GLB1: variants seen among roughly 807,000 people sequenced by gnomAD.
GLB1 encodes beta-galactosidase.
A neutral mutation model predicts 74.0 loss-of-function variants in GLB1; 56 were observed. The ratio of observed to expected loss-of-function variants is 0.76; its 90% CI spans 0.61 to 0.94. The LOEUF (loss-of-function observed/expected upper bound fraction) is 0.94. Among genes scored for constraint, GLB1 ranks in the 40% least tolerant of loss-of-function variants. The pLI, the probability that GLB1 is intolerant of heterozygous loss-of-function variation, is 0.00. For missense variants in GLB1, 787 were observed against 845.5 expected (o/e 0.93, Z 0.86); for synonymous variants, 323 against 323.6 (o/e 1.00, Z 0.02).
intron 15 of GLB1, among the ~76,000 whole-genome samples, chr3:33,003,550 G>C (rs1458053940): frequency 6.6e-6 from 1 of 152,202 alleles, no homozygotes; most frequent in Non-Finnish European, 1.5e-5. Flanking sequence ...CACGGGACTT[G>C]TGCAACTGGA....
chr3:32,989,884 AG>A, the GLB1 span, among the ~76,000 whole-genome samples: 1 of 152,230 alleles, frequency 6.6e-6, no homozygotes, highest in Non-Finnish European at 1.5e-5. Context: ...TTTCTTCAAA[AG>A]GTTCTTATAA....
Position 33,018,493 on chromosome 3 carries a change from T to C in GLB1, c.1302A>G (p.Ser434=), listed in dbSNP as rs774701930. ...CTCGATCGTGGACTCCATTGAGGGG[T>C]GAAGAGAGAGGTGCTGGGTTGCTGC... ...QDCSNPAPLS[S]PLNGVHDRAY... The change falls in exon 13 of 16, where the codon TCA becomes TCG. Residue 434 remains serine, a synonymous_variant. Coordinates refer to ENST00000307363, the MANE Select transcript of GLB1 (RefSeq NM_000404.4). The C allele has an allele frequency of 1.2e-6, 2 of 1,613,564 alleles. No homozygotes were observed. The highest frequency in any genetic ancestry group is 2.7e-5 in the African/African-American group (2 of 74,688).
intron 15 of GLB1, among the ~76,000 whole-genome samples, chr3:33,010,002 G>A (rs1696955977): frequency 6.6e-6 from 1 of 152,218 alleles, no homozygotes; most frequent in South Asian, 2.1e-4. Context: ...CTTGTCAGGT[G>A]ATAGACATCT....
At chr3:33,022,779 T>G (rs1447952329) in intron 11 of GLB1, among the ~76,000 whole-genome samples, 3 of 151,764 alleles carry the variant, frequency 2.0e-5, no homozygotes, top group South Asian at 2.1e-4. Flanking sequence ...AGGCTGGTCT[T>G]GAACTCCTGA....
At chr3:33,030,914 A>C in intron 10 of GLB1, 1 of 719,800 alleles carries the variant, frequency 1.4e-6, no homozygotes, top group Non-Finnish European at 1.7e-6. Context: ...AGTAGGGAAG[A>C]GGAGGTCGCT....
At chr3:33,096,357 C>G (rs997629718) in intron 1 of GLB1, 1 of 979,286 alleles carries the variant, frequency 1.0e-6, no homozygotes. Flanking sequence ...CTCGCCAGCC[C>G]TGCCCCGATC....
chr3:33,074,404 G>GAAAGAAAGAAAGAAAGAA (rs1700030923), intron 1 of GLB1, among the ~76,000 whole-genome samples: 1 of 133,006 alleles, frequency 7.5e-6, no homozygotes, highest in Non-Finnish European at 1.6e-5. Flanking sequence ...AAGAAAGAAA[G>GAAAGAAAGAAAGAAAGAA]AAAGAATATT....
chr3:33,045,203 A>G (rs1698690218), intron 10 of GLB1: 1 of 425,860 alleles, frequency 2.3e-6, no homozygotes, highest in East Asian at 1.6e-4. Flanking sequence ...TCCCAGTTTT[A>G]CAAATTAACA....
rs572237881 is a variant in GLB1 at position 33,072,586 on chromosome 3, C to T, written c.203G>A (p.Arg68Gln). 12 of 1,613,946 alleles carry T rather than the reference C, an allele frequency of 7.4e-6. No homozygotes were observed. The highest frequency in any genetic ancestry group is 4.0e-5 in the African/African-American group (3 of 75,028). ...CCCAGCCATCTTCATCTTCAGCAGC[C>T]GGTCCTTCCAGTAGAAGCGGGGCAC... Reference protein sequence around the residue: ...SRVPRFYWKDRLLKMKMAGLN... With the variant: ...SRVPRFYWKDQLLKMKMAGLN... The change falls in exon 2 of 16, where the codon CGG becomes CAG. Residue 68 changes from arginine to glutamine, a missense_variant. Physicochemically the swap from Arg to Gln is conservative, Grantham distance 43. Coordinates refer to ENST00000307363, the MANE Select transcript of GLB1 (RefSeq NM_000404.4).
At chr3:33,067,610 T>TAGTGA (rs1699738451) in intron 4 of GLB1, among the ~76,000 whole-genome samples, 1 of 152,172 alleles carries the variant, frequency 6.6e-6, no homozygotes, top group South Asian at 2.1e-4. Context: ...GTGCTATCAT[T>TAGTGA]GGCTGTGGAA....
At chr3:33,049,440 A>G (rs60630796) in intron 9 of GLB1, among the ~76,000 whole-genome samples, 1 of 152,150 alleles carries the variant, frequency 6.6e-6, no homozygotes, top group African/African-American at 2.4e-5. Context: ...TTTTTGAGAC[A>G]AAGTCTCACC....
intron 1 of GLB1, among the ~76,000 whole-genome samples, chr3:33,089,853 T>C (rs569475783): frequency 1.3e-5 from 2 of 152,286 alleles, no homozygotes; most frequent in African/African-American, 2.4e-5. Flanking sequence ...TGAATATACC[T>C]AACACTGTTG....
At chr3:33,026,050 C>A (rs1009971503) in intron 10 of GLB1, among the ~76,000 whole-genome samples, 1 of 152,124 alleles carries the variant, frequency 6.6e-6, no homozygotes, top group African/African-American at 2.4e-5. Context: ...CAGAGAAGGG[C>A]CCCGAGGTAG....
the GLB1 span, among the ~76,000 whole-genome samples, chr3:32,987,742 C>T: frequency 3.3e-5 from 5 of 152,270 alleles, no homozygotes; most frequent in Middle Eastern, 3.4e-3. Flanking sequence ...AAGTGGTTAT[C>T]ATTTTATTCT....
intron 4 of GLB1, 64 bp downstream of exon 4, chr3:33,068,166 C>T (rs760342045): frequency 7.5e-6 from 12 of 1,608,448 alleles, no homozygotes; most frequent in Admixed American, 3.3e-5. Context: ...GGATTACAGG[C>T]GTGAGCCACC....
At chr3:33,066,614 C>T (rs6550205) in intron 4 of GLB1, among the ~76,000 whole-genome samples, 149,751 of 152,348 alleles carry the variant, frequency 0.98, 73,654 homozygotes, top group Middle Eastern at 1. Context: ...ATCCTTGCCA[C>T]AGGACACAAA....
At chr3:33,013,187 C>T (rs1697098732) in intron 15 of GLB1, among the ~76,000 whole-genome samples, 1 of 152,206 alleles carries the variant, frequency 6.6e-6, no homozygotes, top group Admixed American at 6.5e-5. Context: ...CCCTTCTTGC[C>T]ATGCTAATTC....
rs528150024 is a variant in GLB1 at position 33,055,332 on chromosome 3, C to T, written c.734-1783G>A. On this transcript the variant is annotated intron_variant, in intron 6 of 15. Coordinates refer to ENST00000307363, the MANE Select transcript of GLB1 (RefSeq NM_000404.4). ...TTTGTTCCTCCCAACAGAAAAATGC[C>T]GTGCTTTTTCATCGCTGTGATGAGA... 7.2e-5 allele frequency among the ~76,000 whole-genome samples: 11 copies of T among 152,272 alleles called. No individual in the cohort carries two copies. In the East Asian group the frequency reaches 1.2e-3, roughly 16 times the overall value.
intron 13 of GLB1, 122 bp downstream of exon 13, chr3:33,018,326 A>AAATTTTTT: frequency 2.5e-6 from 1 of 397,146 alleles, no homozygotes; most frequent in Non-Finnish European, 4.6e-6. Flanking sequence ...AAAAAAAAAG[A>AAATTTTTT]TGATGGGTAG....
Sources: allele counts gnomAD v4.1 joint callset (sites outside exome capture counted in the v4.1 genomes callset), GRCh38; gene constraint gnomAD v4.1.1; transcripts MANE v1.5; gene names NCBI Gene and HGNC (gene_info 2026-07-23, HGNC 2026-07-21).